The following DNAH9 variants were observed in gnomAD, a reference collection of about 807,000 sequenced individuals.
DNAH9 encodes the protein DNAH9 variant protein.
Under a neutral mutation model 471.6 loss-of-function variants are expected in DNAH9, and 345 were observed. That is an observed-to-expected ratio of 0.73 (90% confidence interval 0.67 to 0.80). DNAH9 has a LOEUF of 0.80. DNAH9 is among the 30% of genes least tolerant of loss of function. DNAH9 has a pLI of 0.00. For missense variants in DNAH9, 5,407 were observed against 5,609.2 expected (o/e 0.96, Z 1.15); for synonymous variants, 2,093 against 2,123.6 (o/e 0.99, Z 0.40).
chr17:11,813,024 T>G (rs1011565915), intron 45 of DNAH9, among the ~76,000 whole-genome samples: 1 of 152,154 alleles, frequency 6.6e-6, no homozygotes, highest in Non-Finnish European at 1.5e-5. Flanking sequence ...CCAGGTCACC[T>G]TTTCCTAAAA....
At chr17:11,807,649 C>T (rs767773145) in intron 43 of DNAH9, 83 bp from the exon 44 acceptor site, 1 of 1,462,492 alleles carries the variant, frequency 6.8e-7, no homozygotes, top group Non-Finnish European at 9.3e-7. Flanking sequence ...AGGAAGGCCC[C>T]TGCTCCCACT....
Position 11,757,616 on chromosome 17 carries a change from A to G in DNAH9, c.6919A>G (p.Ile2307Val). ...PVSSWIEKRE[I>V]QTERANLTIL... ...GAGCAGCTGGATTGAGAAGAGGGAA[A>G]TCCAGACAGAGAGAGCCAACTTAAC... Residue 2307 changes from isoleucine to valine, a missense_variant, in exon 35 of 69, where the codon ATC (isoleucine) becomes GTC (valine). Ile to Val is a conservative substitution (Grantham distance 29, BLOSUM62 3). Transcript: ENST00000262442. The G allele has an allele frequency of 6.2e-7, 1 of 1,614,162 alleles. No individual in the cohort carries two copies. The highest frequency in any genetic ancestry group is 1.1e-5 in the South Asian group (1 of 91,076).
At position 11,822,531 on chromosome 17, in the gene DNAH9, C is replaced by T; in HGVS notation, c.8944C>T (p.His2982Tyr). The T allele has an allele frequency of 1.9e-6, 3 of 1,614,178 alleles. No homozygotes were observed. Among genetic ancestry groups the T allele is most frequent in the African/African-American group, 1.3e-5 (1 of 75,048 alleles). Residue 2982 changes from histidine to tyrosine, a missense_variant, in exon 47 of 69, where the codon CAC becomes TAC. Physicochemically the swap from His to Tyr is moderately conservative, Grantham distance 83 (BLOSUM62 2). Transcript: ENST00000262442. ...IVNCTAIHWF[H>Y]EWPQQALESV... ...GAACTGCACAGCCATCCACTGGTTC[C>T]ACGAGTGGCCTCAGCAAGCATTGGA...
chr17:11,606,525 T>C (rs1422060116), intron 1 of DNAH9, among the ~76,000 whole-genome samples: 24 of 135,858 alleles, frequency 1.8e-4, no homozygotes, highest in Non-Finnish European at 3.4e-4. Context: ...CTCGGCTCAC[T>C]GCAACCTCCG....
intron 24 of DNAH9, among the ~76,000 whole-genome samples, chr17:11,702,375 C>G (rs527432399): frequency 6.6e-6 from 1 of 152,300 alleles, no homozygotes; most frequent in Non-Finnish European, 1.5e-5. Context: ...GTAGGCCACT[C>G]CTCCTTCCCT....
At chr17:11,899,870 C>T (rs966603272) in intron 59 of DNAH9, among the ~76,000 whole-genome samples, 2 of 152,146 alleles carry the variant, frequency 1.3e-5, no homozygotes, top group African/African-American at 4.8e-5. Flanking sequence ...TCCTAAGTGC[C>T]AGGCACCCTG....
intron 33 of DNAH9, among the ~76,000 whole-genome samples, chr17:11,753,590 C>G (rs1013638149): frequency 1.3e-5 from 2 of 152,130 alleles, no homozygotes; most frequent in Admixed American, 1.3e-4. Context: ...TTGCTTGAAC[C>G]CGGAGGCAGA....
At chr17:11,754,678 T>G (rs1221218837) in intron 33 of DNAH9, among the ~76,000 whole-genome samples, 1 of 152,198 alleles carries the variant, frequency 6.6e-6, no homozygotes, top group Non-Finnish European at 1.5e-5. Context: ...AATGGTATTG[T>G]TTGTTTTTTT....
At chr17:11,803,347 T>C (rs1969540114) in intron 43 of DNAH9, among the ~76,000 whole-genome samples, 1 of 152,092 alleles carries the variant, frequency 6.6e-6, no homozygotes, top group Non-Finnish European at 1.5e-5. Context: ...TGTACTTCTT[T>C]TGTGCCCTGA....
intron 55 of DNAH9, among the ~76,000 whole-genome samples, chr17:11,882,211 G>A (rs1972751506): frequency 6.6e-6 from 1 of 152,148 alleles, no homozygotes; most frequent in Non-Finnish European, 1.5e-5. Flanking sequence ...TTCCTGCCTT[G>A]GAGGCAGCGG....
intron 48 of DNAH9, among the ~76,000 whole-genome samples, chr17:11,830,818 A>T (rs1970663606): frequency 6.6e-6 from 1 of 152,202 alleles, no homozygotes; most frequent in Non-Finnish European, 1.5e-5. Context: ...GATATTCTGT[A>T]CATCTTGGTT....
chr17:11,679,519 T>TAAATGTAG (rs2074098907), intron 17 of DNAH9, among the ~76,000 whole-genome samples: 1 of 152,210 alleles, frequency 6.6e-6, no homozygotes, highest in East Asian at 1.9e-4. Context: ...TCGTGTCTCC[T>TAAATGTAG]CCTGAGTCTC....
intron 28 of DNAH9, among the ~76,000 whole-genome samples, chr17:11,732,465 C>T (rs886572658): frequency 2.6e-5 from 4 of 151,826 alleles, no homozygotes; most frequent in African/African-American, 9.7e-5. Context: ...AGTTCTCCAC[C>T]ACCCTCCCCT....
intron 22 of DNAH9, among the ~76,000 whole-genome samples, chr17:11,696,354 A>G (rs1042367745): frequency 3.3e-5 from 5 of 152,194 alleles, no homozygotes; most frequent in Admixed American, 6.5e-5. Flanking sequence ...ATGGATTGAT[A>G]TACCACAGTT....
At chr17:11,644,843 A>C in intron 11 of DNAH9, 144 bp downstream of exon 11, 1 of 620,856 alleles carries the variant, frequency 1.6e-6, no homozygotes, top group Non-Finnish European at 2.8e-6. Context: ...TTGTGAGTAC[A>C]GTATTTCCGG....
At position 11,884,360 on chromosome 17, in the gene DNAH9, G is replaced by A; in HGVS notation, c.10971+610G>A. ...GAAGACGGGGTGTGATGGGAAAGGG[G>A]CCCAACCCCTGCTCTGTTCCAGCAT... On this transcript the variant is annotated intron_variant, in intron 56 of 68. Transcript: ENST00000262442. 1.4e-5 allele frequency: 4 copies of A among 282,224 alleles called. 1 individual carries two copies. Among genetic ancestry groups the A allele is most frequent in the South Asian group, 1.4e-4 (4 of 29,120 alleles). 17.5% of individuals were successfully genotyped at this position (282,224 alleles called of 1,614,324 possible). A position where few individuals can be genotyped will look rare whatever the true frequency, so the allele number is the denominator to read the frequency against.
chr17:11,643,245 G>A (rs1012810467), intron 10 of DNAH9, among the ~76,000 whole-genome samples: 2 of 152,214 alleles, frequency 1.3e-5, no homozygotes, highest in Admixed American at 6.5e-5. Flanking sequence ...GCCTCCATTT[G>A]TGTGTGCACA....
In DNAH9 at chr17:11,719,392, C is replaced by T. The variant is rs1257705744; in HGVS notation, c.5611C>T (p.Pro1871Ser). Residue 1871 changes from proline to serine, a missense_variant, in exon 27 of 69, where the codon CCT (proline) becomes TCT (serine). Pro to Ser is a moderately conservative substitution (Grantham distance 74, BLOSUM62 -1). Transcript: ENST00000262442. Reference sequence around the variant, plus strand: ...GACCATGAGTGGGGCTCCCGCAGGACCTGCAGGCACAGGCAAGACCGAGAC... The same window carrying T: ...GACCATGAGTGGGGCTCCCGCAGGATCTGCAGGCACAGGCAAGACCGAGAC... ...HLTMSGAPAG[P>S]AGTGKTETTK... 6.2e-7 allele frequency: 1 copy of T among 1,613,928 alleles called. No homozygotes were observed. Among genetic ancestry groups the T allele is most frequent in the East Asian group, 2.2e-5 (1 of 44,868 alleles).
At chr17:11,944,634 CAG>C (rs920703341) in intron 67 of DNAH9, among the ~76,000 whole-genome samples, 25 of 152,156 alleles carry the variant, frequency 1.6e-4, no homozygotes, top group Non-Finnish European at 3.2e-4. Context: ...GGAAGATAAA[CAG>C]AGAAATCTCC....
Sources: allele counts gnomAD v4.1 joint callset (sites outside exome capture counted in the v4.1 genomes callset), GRCh38; gene constraint gnomAD v4.1.1; transcripts MANE v1.5; gene names NCBI Gene and HGNC (gene_info 2026-07-23, HGNC 2026-07-21).